PPA2: variants seen among roughly 807,000 people sequenced by gnomAD.
PPA2 encodes the protein inorganic pyrophosphatase 2, mitochondrial.
In PPA2, 48 loss-of-function variants were observed where a neutral mutation model predicts 49.5. That is an observed-to-expected ratio of 0.97 (90% CI 0.77 to 1.23). The LOEUF is 1.23. Among genes scored for constraint, PPA2 ranks in the 50% most tolerant of loss-of-function variants. The probability of loss-of-function intolerance (pLI) is 0.00; values close to 1 mark genes in which losing one functional copy is unlikely to be tolerated. For missense variants in PPA2, 429 were observed against 410.1 expected (o/e 1.05, Z -0.40); for synonymous variants, 131 against 139.9 (o/e 0.94, Z 0.45).
chr4:105,411,115 C>A (rs1382301021), intron 7 of PPA2, among the ~76,000 whole-genome samples: 1 of 152,142 alleles, frequency 6.6e-6, no homozygotes, highest in South Asian at 2.1e-4. Flanking sequence ...AAGACACAGA[C>A]TGGCAAATTG....
At chr4:105,451,582 T>C (rs1010516098) in intron 3 of PPA2, among the ~76,000 whole-genome samples, 3 of 152,180 alleles carry the variant, frequency 2.0e-5, no homozygotes, top group African/African-American at 7.2e-5. Flanking sequence ...CCAAAGTAAA[T>C]GGCAGATGTC....
chr4:105,442,329 G>T (rs537580741), intron 5 of PPA2, among the ~76,000 whole-genome samples: 1 of 152,254 alleles, frequency 6.6e-6, no homozygotes, highest in East Asian at 1.9e-4. Flanking sequence ...ACCTTGTAGG[G>T]TAGGTAGTAT....
intron 1 of PPA2, among the ~76,000 whole-genome samples, chr4:105,469,478 G>A (rs2110334453): frequency 6.6e-6 from 1 of 152,302 alleles, no homozygotes; most frequent in South Asian, 2.1e-4. Flanking sequence ...ATCTATACCA[G>A]ACAGCTAAAT....
chr4:105,467,407 T>C (rs1723348733), intron 1 of PPA2, among the ~76,000 whole-genome samples: 1 of 152,104 alleles, frequency 6.6e-6, no homozygotes, highest in Admixed American at 6.5e-5. Context: ...AGGACACTGA[T>C]CAAAAGGAAA....
chr4:105,383,696 T>G (rs1418340621), intron 10 of PPA2, among the ~76,000 whole-genome samples: 1 of 152,174 alleles, frequency 6.6e-6, no homozygotes, highest in Admixed American at 6.5e-5. Flanking sequence ...TGACCATACT[T>G]TGAACTCATT....
At chr4:105,464,148 G>A (rs1723205509) in intron 1 of PPA2, among the ~76,000 whole-genome samples, 2 of 152,204 alleles carry the variant, frequency 1.3e-5, no homozygotes, top group African/African-American at 4.8e-5. Context: ...AAAGCCACAG[G>A]GGCAGAGCTG....
Position 105,469,974 on chromosome 4 carries a change from C to T in PPA2, c.157+3920G>A, listed in dbSNP as rs528844496. Reference sequence around the variant, plus strand: ...ACAGTAATTTCAACACAAGCACATGCTTACTATAAGTGACAAAGCAAATTA... The same window carrying T: ...ACAGTAATTTCAACACAAGCACATGTTTACTATAAGTGACAAAGCAAATTA... On this transcript the variant is annotated intron_variant, in intron 1 of 11. Transcript: ENST00000341695. Among the ~76,000 whole-genome samples, 3 of 152,330 alleles carry T rather than the reference C, an allele frequency of 2.0e-5. No individual in the cohort carries two copies. In the South Asian group the frequency reaches 6.2e-4, roughly 32 times the overall value.
intron 6 of PPA2, among the ~76,000 whole-genome samples, chr4:105,425,959 AT>A (rs1037626535): frequency 6.6e-6 from 1 of 152,178 alleles, no homozygotes; most frequent in African/African-American, 2.4e-5. Flanking sequence ...AAGAAATGAA[AT>A]CTTTAAAATT....
intron 7 of PPA2, among the ~76,000 whole-genome samples, chr4:105,410,513 T>G (rs1324131750): frequency 6.6e-6 from 1 of 152,112 alleles, no homozygotes; most frequent in African/African-American, 2.4e-5. Flanking sequence ...CAGAAGAACT[T>G]CCCCAACCTA....
intron 8 of PPA2, 100 bp from the exon 9 acceptor site, chr4:105,396,434 G>A: frequency 1.3e-6 from 1 of 789,824 alleles, no homozygotes; most frequent in Non-Finnish European, 2.0e-6. Flanking sequence ...ATTGTTAAGA[G>A]CATGAGCTCC....
chr4:105,414,976 A>G (rs1034070698), intron 7 of PPA2, among the ~76,000 whole-genome samples: 2 of 152,034 alleles, frequency 1.3e-5, no homozygotes, highest in African/African-American at 4.8e-5. Context: ...CCCTCAGCAG[A>G]GAGGACATCC....
chr4:105,446,465 T>C lies in PPA2; in HGVS notation c.359A>G (p.Tyr120Cys), dbSNP rs1722390453. ...ATAGCGTAGCTTTCCATCCTTTACA[T>C]ATTGTTTAATGGGATTCATTGGCTC... ...TKEPMNPIKQ[Y>C]VKDGKLRYVA... is the part of the protein sequence containing the mutation. The change falls in exon 5 of 12, where the codon TAT becomes TGT. Residue 120 changes from tyrosine (Y) to cysteine (C), a missense_variant. Transcript: ENST00000341695. 2 of 1,606,246 alleles carry C rather than the reference T, an allele frequency of 1.2e-6. No homozygotes were observed. Among genetic ancestry groups the C allele is most frequent in the Admixed American group, 1.7e-5 (1 of 58,596 alleles).
intron 1 of PPA2, among the ~76,000 whole-genome samples, chr4:105,458,425 T>C (rs1722952094): frequency 6.6e-6 from 1 of 152,200 alleles, no homozygotes; most frequent in Non-Finnish European, 1.5e-5. Flanking sequence ...CGGAGTATGC[T>C]GGAATCCTGT....
chr4:105,473,670 T>C (rs765743189), intron 1 of PPA2: 1 of 796,078 alleles, frequency 1.3e-6, no homozygotes, highest in Non-Finnish European at 2.2e-6. Flanking sequence ...CCTGCGCCTC[T>C]GCTCTCCGCT....
intron 6 of PPA2, among the ~76,000 whole-genome samples, chr4:105,427,742 TG>T (rs1723592085): frequency 6.6e-6 from 1 of 152,188 alleles, no homozygotes; most frequent in Non-Finnish European, 1.5e-5. Context: ...CTGAAAGTGA[TG>T]GGGAGAATGG....
At position 105,383,689 on chromosome 4, in the gene PPA2, C is replaced by A. The variant is rs956674664; in HGVS notation, c.939+2878G>T. Among the ~76,000 whole-genome samples the A allele has an allele frequency of 1.2e-4, 19 of 152,242 alleles. No homozygotes were observed. In the East Asian group the frequency reaches 3.5e-3, roughly 28 times the overall value. ...CCATTACTGTCTGGCCTTGTAATGA[C>A]CATACTTTGAACTCATTTAACATCT... On this transcript the variant is annotated intron_variant, in intron 10 of 11. Coordinates refer to ENST00000341695, the MANE Select transcript of PPA2 (RefSeq NM_176869.3).
At position 105,386,586 on chromosome 4, in the gene PPA2, G is replaced by C; in HGVS notation, c.920C>G (p.Ala307Gly). The change falls in exon 10 of 12, where the codon GCA becomes GGA. Residue 307 changes from alanine (A) to glycine (G), a missense_variant. Coordinates refer to ENST00000341695, the MANE Select transcript of PPA2 (RefSeq NM_176869.3). ...CCTTACCGATTCAACTAATGATCTT[G>C]CTTCCTCTTGAGTGCAACGGAAAGG... is the stretch of plus-strand genomic sequence containing the variant. ...DSPFRCTQEEARSLVESVSSS... is the reference protein window; with the variant it reads ...DSPFRCTQEEGRSLVESVSSS... 1.2e-6 allele frequency: 2 copies of C among 1,611,998 alleles called. No individual in the cohort carries two copies. The highest frequency in any genetic ancestry group is 1.7e-6 in the Non-Finnish European group (2 of 1,178,482).
At chr4:105,416,476 C>T (rs966945311) in intron 7 of PPA2, among the ~76,000 whole-genome samples, 3 of 152,162 alleles carry the variant, frequency 2.0e-5, no homozygotes, top group African/African-American at 7.2e-5. Context: ...GATGTTGATT[C>T]ATTTGCACAA....
At chr4:105,391,886 GTATGAGTAAAGAAATAAAGCATTACTT>G (rs150356045) in intron 9 of PPA2, among the ~76,000 whole-genome samples, 4,522 of 146,058 alleles carry the variant, frequency 0.031, 200 homozygotes, top group African/African-American at 0.094. Context: ...TAAAAAAAGA[GTATGAGTAAAGAAATAAAGCATTACTT>G]TATGAGTAAA....
Sources: gnomAD v4.1 joint callset for allele counts (sites outside exome capture counted in the v4.1 genomes callset) on GRCh38, gnomAD v4.1.1 for gene constraint, MANE v1.5 for transcripts, NCBI Gene and HGNC (gene_info 2026-07-23, HGNC 2026-07-21) for gene names.